IL1RN: variants seen among roughly 807,000 people sequenced by gnomAD.
IL1RN encodes interleukin 1 receptor antagonist.
In IL1RN, 10 loss-of-function variants were observed where a neutral mutation model predicts 13.7. That is an observed-to-expected ratio of 0.73 (90% CI 0.45 to 1.24). The LOEUF (loss-of-function observed/expected upper bound fraction) is 1.24. Ranked by LOEUF, IL1RN falls within the 50% of genes most tolerant of loss-of-function variation. The pLI is 0.00. For synonymous variants in IL1RN, 102 were observed against 82.7 expected (o/e 1.23, Z -1.27); for missense variants, 213 against 222.1 (o/e 0.96, Z 0.26).
chr2:113,130,968 AG>A, intron 2 of IL1RN, 76 bp from the exon 3 acceptor site: 2 of 940,964 alleles, frequency 2.1e-6, no homozygotes, highest in Non-Finnish European at 3.5e-6. Flanking sequence ...CAGGGGAGAT[AG>A]AAAAATACCC....
At chr2:113,107,569 C>A (rs370079112), upstream of IL1RN, among the ~76,000 whole-genome samples, 48 of 143,154 alleles carry the variant, frequency 3.4e-4, no homozygotes, top group African/African-American at 3.6e-4. Context: ...ACTAAAAATA[C>A]AAAAAAAAAA....
At chr2:113,112,231 C>A (rs975668675) in intron 1 of IL1RN, among the ~76,000 whole-genome samples, 1 of 152,198 alleles carries the variant, frequency 6.6e-6, no homozygotes, top group Admixed American at 6.5e-5. Flanking sequence ...TGGGGCGGAG[C>A]TTCCGAGGGC....
chr2:113,124,070 G>A (rs1181312526), upstream of IL1RN, among the ~76,000 whole-genome samples: 2 of 152,084 alleles, frequency 1.3e-5, no homozygotes, highest in Non-Finnish European at 2.9e-5. Flanking sequence ...ACCCCTTTAC[G>A]TGGGGCTTAG....
At chr2:113,121,685 T>A in intron 2 of IL1RN, 1 of 811,994 alleles carries the variant, frequency 1.2e-6, no homozygotes, top group Non-Finnish European at 1.5e-6. Context: ...TTATATACCA[T>A]GTCCTGATCC....
chr2:113,132,517 G>A, intron 3 of IL1RN, 139 bp from the exon 4 acceptor site: 1 of 732,190 alleles, frequency 1.4e-6, no homozygotes, highest in Non-Finnish European at 2.4e-6. Flanking sequence ...AGGAGCACCT[G>A]GGGGCTTTTA....
At chr2:113,104,874 G>T (rs1686365021), upstream of IL1RN, among the ~76,000 whole-genome samples, 1 of 152,106 alleles carries the variant, frequency 6.6e-6, no homozygotes, top group Non-Finnish European at 1.5e-5. Flanking sequence ...TTAAAACCAG[G>T]TTTATCCAAC....
chr2:113,132,174 C>T (rs985148581), intron 3 of IL1RN, among the ~76,000 whole-genome samples: 1 of 152,228 alleles, frequency 6.6e-6, no homozygotes. Context: ...CCAGGCCAGG[C>T]GCAGTGGCTC....
In IL1RN at chr2:113,132,717, G is replaced by A. The variant is rs780956028; in HGVS notation, c.380G>A (p.Arg127His). 3.3e-5 allele frequency: 54 copies of A among 1,614,096 alleles called. No homozygotes were observed. Among genetic ancestry groups the A allele is most frequent in the Admixed American group, 1.3e-4 (8 of 60,010 alleles). ...RKQDKRFAFI[R>H]SDSGPTTSFE... ...CAGGACAAGCGCTTCGCCTTCATCC[G>A]CTCAGACAGTGGCCCCACCACCAGT... Residue 127 changes from arginine (R) to histidine (H), a missense_variant, in exon 4 of 4, where the codon CGC (arginine) becomes CAC (histidine). Physicochemically the swap from Arg to His is conservative, Grantham distance 29. Transcript: ENST00000409930.
upstream of IL1RN, chr2:113,127,416 G>A: frequency 6.1e-6 from 8 of 1,307,682 alleles, no homozygotes; most frequent in South Asian, 3.4e-5. Flanking sequence ...AAAAGGGGAG[G>A]GAATCAGTTA....
At chr2:113,099,751 T>C in the IL1RN span, among the ~76,000 whole-genome samples, 1 of 123,518 alleles carries the variant, frequency 8.1e-6, no homozygotes, top group East Asian at 2.2e-4. Flanking sequence ...TTTTTTTTTT[T>C]TGAGACGGAG....
chr2:113,127,335 T>C (rs45569245), upstream of IL1RN: 9 of 421,396 alleles, frequency 2.1e-5, no homozygotes, highest in Non-Finnish European at 2.9e-5. Flanking sequence ...TGGTTTCCAT[T>C]GTGCTCTTCT....
intron 2 of IL1RN, among the ~76,000 whole-genome samples, chr2:113,121,796 A>T (rs1178928786): frequency 1.3e-5 from 2 of 152,200 alleles, no homozygotes; most frequent in African/African-American, 4.8e-5. Flanking sequence ...GATGTCTCCA[A>T]ACCTGTCCTG....
At chr2:113,124,829 C>T (rs1422067640), upstream of IL1RN, among the ~76,000 whole-genome samples, 1 of 152,164 alleles carries the variant, frequency 6.6e-6, no homozygotes, top group African/African-American at 2.4e-5. Context: ...CCCCCACCCT[C>T]ACCCTGTGCA....
At position 113,132,760 on chromosome 2, in the gene IL1RN, C is replaced by T. The variant is rs753224633; in HGVS notation, c.423C>T (p.Cys141=). The change falls in exon 4 of 4, where the codon TGC becomes TGT. Residue 141 remains cysteine, a synonymous_variant. Transcript: ENST00000409930. ...CCACCAGTTTTGAGTCTGCCGCCTGCCCCGGTTGGTTCCTCTGCACAGCGA... is the reference window on the plus strand; with the variant it reads ...CCACCAGTTTTGAGTCTGCCGCCTGTCCCGGTTGGTTCCTCTGCACAGCGA... ...GPTTSFESAA[C]PGWFLCTAME... 10 of 1,614,256 alleles carry T rather than the reference C, an allele frequency of 6.2e-6. No individual in the cohort carries two copies. Among genetic ancestry groups the T allele is most frequent in the South Asian group, 5.5e-5 (5 of 91,090 alleles).
chr2:113,120,221 G>A, intron 2 of IL1RN: 1 of 893,434 alleles, frequency 1.1e-6, no homozygotes, highest in Non-Finnish European at 1.9e-6. Flanking sequence ...AATTAAAGAT[G>A]AATGGTTTAA....
chr2:113,118,211 G>A (rs960393860), intron 1 of IL1RN, among the ~76,000 whole-genome samples: 10 of 152,244 alleles, frequency 6.6e-5, no homozygotes, highest in African/African-American at 2.4e-4. Flanking sequence ...AGACCATGCA[G>A]GCACTCTGAG....
intron 1 of IL1RN, among the ~76,000 whole-genome samples, chr2:113,129,077 A>G (rs1444631191): frequency 2.6e-5 from 4 of 152,204 alleles, no homozygotes; most frequent in Non-Finnish European, 1.5e-5. Context: ...CCTAGGTGCT[A>G]TGGTAGCCAC....
At chr2:113,129,853 G>T (rs991831814) in intron 2 of IL1RN, 189 bp downstream of exon 2, 3 of 602,050 alleles carry the variant, frequency 5.0e-6, no homozygotes, top group Non-Finnish European at 9.2e-6. Flanking sequence ...CCTGAAGAGG[G>T]TGTGGAGAGG....
At chr2:113,104,368 T>G (rs569626988), upstream of IL1RN, among the ~76,000 whole-genome samples, 1 of 152,196 alleles carries the variant, frequency 6.6e-6, no homozygotes, top group East Asian at 1.9e-4. Context: ...TTCTGGGGGA[T>G]GTTAGCAGTG....
Sources: allele counts gnomAD v4.1 joint callset (sites outside exome capture counted in the v4.1 genomes callset), GRCh38; gene constraint gnomAD v4.1.1; transcripts MANE v1.5; gene names NCBI Gene and HGNC (gene_info 2026-07-23, HGNC 2026-07-21).